The following DNASE1 variants were observed in gnomAD, a reference collection of about 807,000 sequenced individuals.
DNASE1 encodes the protein deoxyribonuclease-1.
A neutral mutation model predicts 33.9 loss-of-function variants in DNASE1; 40 were observed. That is an observed-to-expected ratio of 1.18 (90% confidence interval 0.92 to 1.54). The LOEUF (loss-of-function observed/expected upper bound fraction) is 1.54, where lower values mean the gene tolerates loss of function less well. Ranked by LOEUF, DNASE1 falls within the 40% of genes most tolerant of loss-of-function variation. The pLI is 0.00. For synonymous variants in DNASE1, 216 were observed against 160.0 expected (o/e 1.35, Z -2.64); for missense variants, 518 against 372.6 (o/e 1.39, Z -3.21).
chr16:3,650,565 G>A (rs1200494184), upstream of DNASE1: 2 of 139,454 alleles, frequency 1.4e-5, no homozygotes, highest in African/African-American at 2.7e-5. Context: ...TTAACTTACT[G>A]TTACCTAAAG....
At position 3,655,503 on chromosome 16, in the gene DNASE1, G is replaced by T. The variant is rs370054136; in HGVS notation, c.130G>T (p.Val44Phe). The T allele has an allele frequency of 6.2e-7, 1 of 1,613,984 alleles. No homozygotes were observed. Among genetic ancestry groups the T allele is most frequent in the Non-Finnish European group, 8.5e-7 (1 of 1,180,040 alleles). ...GACCAAGATGTCCAATGCCACCCTCGTCAGCTACATTGTGCAGGTGAGGCC... is the reference window on the plus strand; with the variant it reads ...GACCAAGATGTCCAATGCCACCCTCTTCAGCTACATTGTGCAGGTGAGGCC... Reference protein sequence around the residue: ...GETKMSNATLVSYIVQILSRY... With the variant: ...GETKMSNATLFSYIVQILSRY... The change falls in exon 2 of 9, where the codon GTC (valine) becomes TTC (phenylalanine). Residue 44 changes from valine (V) to phenylalanine (F), a missense_variant. Physicochemically the swap from Val to Phe is conservative, Grantham distance 50 (BLOSUM62 -1). Transcript: ENST00000246949.
Position 3,664,360 on chromosome 16 carries a change from G to A in DNASE1, c.*6407G>A, listed in dbSNP as rs113510154. The A allele has an allele frequency of 2.3e-5, 37 of 1,612,878 alleles. No homozygotes were observed. The highest frequency in any genetic ancestry group is 5.0e-5 in the Admixed American group (3 of 59,816). On this transcript the variant is annotated 3_prime_UTR_variant, in exon 10 of 10. Coordinates refer to the DNASE1 transcript ENST00000407479. ...GGGGCGCACAGGTAGTAGATGTTGC[G>A]GGTGCCGGCCCGCATGCGGCTGGCG...
At chr16:3,649,786 G>T (rs1365939567), upstream of DNASE1, among the ~76,000 whole-genome samples, 1 of 152,148 alleles carries the variant, frequency 6.6e-6, no homozygotes, top group Non-Finnish European at 1.5e-5. Flanking sequence ...TCTGAGTCAA[G>T]TGTTGTGGGA....
exon 10 of DNASE1, chr16:3,663,965 A>C (rs1022265995): frequency 5.7e-6 from 2 of 348,958 alleles, no homozygotes; most frequent in African/African-American, 4.2e-5. Context: ...CAGGAGGCTG[A>C]GGCAGGAGAA....
intron 1 of DNASE1, among the ~76,000 whole-genome samples, chr16:3,649,582 T>C (rs1011484979): frequency 6.6e-6 from 1 of 152,220 alleles, no homozygotes; most frequent in African/African-American, 2.4e-5. Flanking sequence ...TTCAGTAAAG[T>C]AGGAAATCTA....
intron 1 of DNASE1, among the ~76,000 whole-genome samples, chr16:3,635,053 A>G (rs2041826230): frequency 6.6e-6 from 1 of 151,888 alleles, no homozygotes; most frequent in African/African-American, 2.4e-5. Flanking sequence ...GAACTCCTGG[A>G]CTAAAGCTAT....
chr16:3,654,243 C>T, upstream of DNASE1: 2 of 397,822 alleles, frequency 5.0e-6, no homozygotes, highest in African/African-American at 2.1e-5. Context: ...CTATTGTCTA[C>T]CTCAAGAAGG....
intron 1 of DNASE1, among the ~76,000 whole-genome samples, chr16:3,615,329 C>G (rs78583939): frequency 0.085 from 12,964 of 152,158 alleles, 589 homozygotes; most frequent in African/African-American, 0.12. Flanking sequence ...AACTGGGGCA[C>G]CTGCTTCTTT....
intron 1 of DNASE1, among the ~76,000 whole-genome samples, chr16:3,648,243 A>G (rs1343500702): frequency 1.3e-5 from 2 of 151,952 alleles, no homozygotes; most frequent in African/African-American, 2.4e-5. Flanking sequence ...CTCAGGCTGC[A>G]GTGCACTACA....
At chr16:3,641,019 T>C (rs1323472965), upstream of DNASE1, 3 of 398,304 alleles carry the variant, frequency 7.5e-6, no homozygotes, top group Non-Finnish European at 1.3e-5. Flanking sequence ...TCACTCTGGA[T>C]TTGGGTGGAT....
upstream of DNASE1, among the ~76,000 whole-genome samples, chr16:3,642,584 G>A (rs537655159): frequency 3.9e-5 from 6 of 152,200 alleles, no homozygotes; most frequent in South Asian, 2.1e-4. Context: ...CGGTGCTGCC[G>A]GCTGAGCCCA....
At chr16:3,614,730 G>T (rs1476719480) in intron 1 of DNASE1, among the ~76,000 whole-genome samples, 1 of 152,150 alleles carries the variant, frequency 6.6e-6, no homozygotes, top group Non-Finnish European at 1.5e-5. Context: ...CCTGGGAGAG[G>T]CAGTCTCCCT....
At chr16:3,612,158 G>A (rs1383035884) in intron 1 of DNASE1, among the ~76,000 whole-genome samples, 1 of 152,212 alleles carries the variant, frequency 6.6e-6, no homozygotes, top group East Asian at 1.9e-4. Flanking sequence ...AAAGGTAGCA[G>A]AGGTTTGCCA....
At chr16:3,615,249 C>CT (rs1457329938) in intron 1 of DNASE1, among the ~76,000 whole-genome samples, 1 of 152,142 alleles carries the variant, frequency 6.6e-6, no homozygotes, top group Non-Finnish European at 1.5e-5. Context: ...ATGGCAAGAG[C>CT]TGGGTCAGGG....
chr16:3,658,630 G>A (rs138180254), downstream of DNASE1: 523 of 675,614 alleles, frequency 7.7e-4, 1 homozygote, highest in African/African-American at 6.9e-3. Flanking sequence ...CCAAGATCGC[G>A]CCACTGCACT....
intron 1 of DNASE1, 141 bp from the exon 2 acceptor site, chr16:3,655,232 G>T (rs1255983119): frequency 2.5e-6 from 3 of 1,194,948 alleles, no homozygotes; most frequent in Non-Finnish European, 3.5e-6. Flanking sequence ...TCTGGACGTT[G>T]TAGGAAAGGG....
At chr16:3,660,628 T>C (rs2043017852), downstream of DNASE1, 1 of 152,250 alleles carries the variant, frequency 6.6e-6, no homozygotes, top group Non-Finnish European at 1.5e-5. Flanking sequence ...TGCTGTGCAC[T>C]GACAGCCATA....
At chr16:3,617,195 G>T (rs928722080) in intron 1 of DNASE1, among the ~76,000 whole-genome samples, 1 of 151,492 alleles carries the variant, frequency 6.6e-6, no homozygotes. Context: ...GCGTGGTGGT[G>T]TGCGCCCGTA....
intron 1 of DNASE1, among the ~76,000 whole-genome samples, chr16:3,633,649 G>A (rs1386123364): frequency 6.6e-6 from 1 of 151,454 alleles, no homozygotes; most frequent in African/African-American, 2.4e-5. Flanking sequence ...CTTGAGTTTG[G>A]TATTTACAGT....
Sources: allele counts gnomAD v4.1 joint callset (sites outside exome capture counted in the v4.1 genomes callset), GRCh38; gene constraint gnomAD v4.1.1; transcripts MANE v1.5; gene names NCBI Gene and HGNC (gene_info 2026-07-23, HGNC 2026-07-21).